The following NRXN1 variants were observed in gnomAD, a reference collection of about 807,000 sequenced individuals.
The protein encoded by NRXN1 is neurexin 1, also known as neurexin-1.
A neutral mutation model predicts 150.9 loss-of-function variants in NRXN1; 39 were observed. The ratio of observed to expected loss-of-function variants is 0.26; its 90% CI spans 0.20 to 0.34. The LOEUF (loss-of-function observed/expected upper bound fraction) is 0.34. Among genes scored for constraint, NRXN1 ranks in the 10% least tolerant of loss-of-function variants. NRXN1 has a pLI of 1.00. For missense variants in NRXN1, 1,815 were observed against 1,949.9 expected, an observed-to-expected ratio of 0.93 and a Z score of 1.30; for synonymous variants, 924 against 757.0, an observed-to-expected ratio of 1.22 and a Z score of -3.62.
chr2:50,380,708 C>T (rs1362531096), intron 17 of NRXN1, among the ~76,000 whole-genome samples: 2 of 152,062 alleles, frequency 1.3e-5, no homozygotes, highest in Non-Finnish European at 2.9e-5. Context: ...TTTATAACTA[C>T]AATAAGTGAT....
intron 1 of NRXN1, among the ~76,000 whole-genome samples, chr2:51,029,769 A>G (rs1013462459): frequency 1.5e-4 from 23 of 152,352 alleles, no homozygotes; most frequent in African/African-American, 5.3e-4. Flanking sequence ...ATTAATGAAT[A>G]ATCTGTTGTA....
chr2:50,165,549 A>C (rs1471898390), intron 18 of NRXN1, among the ~76,000 whole-genome samples: 1 of 152,050 alleles, frequency 6.6e-6, no homozygotes, highest in African/African-American at 2.4e-5. Context: ...AGGTTTCAGC[A>C]TGTTGGCCAG....
intron 5 of NRXN1, among the ~76,000 whole-genome samples, chr2:50,761,143 G>T (rs1371377872): frequency 6.6e-6 from 1 of 151,814 alleles, no homozygotes; most frequent in Non-Finnish European, 1.5e-5. Flanking sequence ...ATTCCCGTTT[G>T]GGCTTTCTAG....
intron 17 of NRXN1, among the ~76,000 whole-genome samples, chr2:50,278,253 T>A (rs1383497304): frequency 2.6e-5 from 3 of 115,156 alleles, no homozygotes; most frequent in East Asian, 2.2e-4. Flanking sequence ...TATATATATA[T>A]ATTATATATA....
chr2:50,734,351 G>A (rs1698461029), intron 5 of NRXN1, among the ~76,000 whole-genome samples: 1 of 152,082 alleles, frequency 6.6e-6, no homozygotes, highest in Admixed American at 6.6e-5. Flanking sequence ...CTGCTGGATT[G>A]GTACTGAATT....
intron 2 of NRXN1, among the ~76,000 whole-genome samples, chr2:50,974,157 C>T (rs1172174552): frequency 5.9e-5 from 9 of 152,146 alleles, no homozygotes; most frequent in African/African-American, 1.4e-4. Context: ...TTCAAACTGC[C>T]ATTTTTTCTC....
intron 5 of NRXN1, among the ~76,000 whole-genome samples, chr2:50,654,030 T>C (rs1686029384): frequency 6.6e-6 from 1 of 151,490 alleles, no homozygotes; most frequent in South Asian, 2.1e-4. Flanking sequence ...TATTCATTCT[T>C]TTTCTCTTTT....
intron 5 of NRXN1, among the ~76,000 whole-genome samples, chr2:50,689,783 AC>A (rs1691783082): frequency 6.6e-6 from 1 of 152,128 alleles, no homozygotes; most frequent in Admixed American, 6.6e-5. Context: ...AAATGAGAAA[AC>A]AAAAGCTAAC....
At chr2:50,377,071 ATC>A (rs2080561977) in intron 17 of NRXN1, among the ~76,000 whole-genome samples, 1 of 151,494 alleles carries the variant, frequency 6.6e-6, no homozygotes, top group East Asian at 1.9e-4. Flanking sequence ...GATTATCCAA[ATC>A]TTTCTCCCAT....
intron 5 of NRXN1, among the ~76,000 whole-genome samples, chr2:50,844,847 C>G (rs1307070893): frequency 7.1e-6 from 1 of 141,564 alleles, no homozygotes; most frequent in Non-Finnish European, 1.6e-5. Flanking sequence ...GTTTAGCCAT[C>G]CTCAGCTAAT....
intron 12 of NRXN1, among the ~76,000 whole-genome samples, chr2:50,509,642 T>C (rs1013741915): frequency 7.9e-5 from 12 of 152,220 alleles, no homozygotes; most frequent in Admixed American, 7.2e-4. Flanking sequence ...GGTTTAACTG[T>C]TGAAATTTTG....
chr2:50,852,128 A>G (rs554397107), intron 5 of NRXN1, among the ~76,000 whole-genome samples: 28 of 152,150 alleles, frequency 1.8e-4, no homozygotes, highest in Non-Finnish European at 2.8e-4. Context: ...TGGGATATAG[A>G]GATGCAAGGT....
intron 5 of NRXN1, among the ~76,000 whole-genome samples, chr2:50,886,464 A>C (rs1680264491): frequency 6.6e-6 from 1 of 151,416 alleles, no homozygotes; most frequent in Non-Finnish European, 1.5e-5. Flanking sequence ...TTAAAAAAGG[A>C]AATTTGCATT....
intron 18 of NRXN1, among the ~76,000 whole-genome samples, chr2:50,189,832 T>C (rs556909893): frequency 1.3e-5 from 2 of 152,274 alleles, no homozygotes; most frequent in Admixed American, 6.5e-5. Flanking sequence ...AGTTTATCAA[T>C]AGATTTTAAG....
intron 5 of NRXN1, among the ~76,000 whole-genome samples, chr2:50,666,963 C>A (rs187259699): frequency 6.6e-6 from 1 of 151,222 alleles, no homozygotes; most frequent in Non-Finnish European, 1.5e-5. Context: ...ACACGCATGG[C>A]GTGGTGAGAG....
intron 5 of NRXN1, among the ~76,000 whole-genome samples, chr2:50,733,740 C>T (rs1161162051): frequency 6.6e-6 from 1 of 151,974 alleles, no homozygotes; most frequent in Non-Finnish European, 1.5e-5. Context: ...AATGGTCGAC[C>T]ATTGAAAATG....
intron 5 of NRXN1, among the ~76,000 whole-genome samples, chr2:50,663,597 T>C (rs574746488): frequency 6.6e-6 from 1 of 152,018 alleles, no homozygotes; most frequent in Non-Finnish European, 1.5e-5. Context: ...GCTAATTCTG[T>C]TTGGGTTGGA....
In NRXN1 at chr2:50,505,958, G is replaced by A. The variant is rs114011469; in HGVS notation, c.2497+537C>T. Among the ~76,000 whole-genome samples the A allele has an allele frequency of 7.5e-3, 1,138 of 152,170 alleles. 9 individuals carry two copies. Among genetic ancestry groups the A allele is most frequent in the Non-Finnish European group, 0.012 (807 of 67,982 alleles). On this transcript the variant is annotated intron_variant, in intron 13 of 22. Coordinates refer to ENST00000401669, the MANE Select transcript of NRXN1 (RefSeq NM_001330078.2). ...TGGACCTGCATACAGCTCACCTCAG[G>A]AATCTAAAAATGGGGGTTGAACTTG... is the stretch of plus-strand genomic sequence containing the variant.
intron 8 of NRXN1, among the ~76,000 whole-genome samples, chr2:50,573,759 A>T (rs1165832790): frequency 6.6e-6 from 1 of 150,916 alleles, no homozygotes. Context: ...AATAATAATA[A>T]TAATAAATAC....
Sources: gnomAD v4.1 joint callset for allele counts (sites outside exome capture counted in the v4.1 genomes callset) on GRCh38, gnomAD v4.1.1 for gene constraint, MANE v1.5 for transcripts, NCBI Gene and HGNC (gene_info 2026-07-23, HGNC 2026-07-21) for gene names.